The following PDE1A variants were observed in gnomAD, a reference collection of about 807,000 sequenced individuals.
The protein encoded by PDE1A is dual specificity calcium/calmodulin-dependent 3',5'-cyclic nucleotide phosphodiesterase 1A.
PDE1A carries 35 observed loss-of-function variants against 61.7 expected under a neutral mutation model. The ratio of observed to expected loss-of-function variants is 0.57; its 90% CI spans 0.43 to 0.75. PDE1A has a LOEUF of 0.75. Ranked by LOEUF, PDE1A falls within the 30% of genes least tolerant of loss-of-function variation. The pLI, the probability that PDE1A is intolerant of heterozygous loss-of-function variation, is 0.00. For synonymous variants in PDE1A, 232 were observed against 213.2 expected (o/e 1.09, Z -0.77); for missense variants, 597 against 630.6 (o/e 0.95, Z 0.57).
At chr2:182,433,346 C>T (rs762460894) in intron 2 of PDE1A, among the ~76,000 whole-genome samples, 1 of 152,084 alleles carries the variant, frequency 6.6e-6, no homozygotes, top group Non-Finnish European at 1.5e-5. Context: ...AATACTTTGA[C>T]CATTTGCACA....
chr2:182,437,250 G>A (rs919127223), intron 2 of PDE1A, among the ~76,000 whole-genome samples: 1 of 151,974 alleles, frequency 6.6e-6, no homozygotes, highest in Non-Finnish European at 1.5e-5. Context: ...TGCAAATGAA[G>A]TTGTGATATA....
chr2:182,558,605 A>G, the PDE1A span, among the ~76,000 whole-genome samples: 4 of 152,256 alleles, frequency 2.6e-5, no homozygotes, highest in African/African-American at 4.8e-5. Flanking sequence ...TATATAGTCA[A>G]CTGCAATTTT....
chr2:182,664,536 G>A, the PDE1A span, among the ~76,000 whole-genome samples: 1 of 152,134 alleles, frequency 6.6e-6, no homozygotes, highest in African/African-American at 2.4e-5. Context: ...GTTATGGGAT[G>A]AATACAAATG....
chr2:182,400,205 C>T (rs1011027569), intron 1 of PDE1A, among the ~76,000 whole-genome samples: 7 of 151,998 alleles, frequency 4.6e-5, no homozygotes, highest in Non-Finnish European at 1.0e-4. Flanking sequence ...TTTTCCTTTT[C>T]CCATGATAAA....
At chr2:182,572,657 T>G in the PDE1A span, among the ~76,000 whole-genome samples, 5 of 151,768 alleles carry the variant, frequency 3.3e-5, no homozygotes, top group African/African-American at 1.2e-4. Flanking sequence ...GATCACGAGG[T>G]CAGGAGATCG....
the PDE1A span, among the ~76,000 whole-genome samples, chr2:182,534,080 G>A: frequency 6.6e-6 from 1 of 151,944 alleles, no homozygotes. Context: ...TAACCCCTGA[G>A]AGGAAATAAC....
intron 2 of PDE1A, among the ~76,000 whole-genome samples, chr2:182,259,335 A>G (rs1031707507): frequency 1.3e-5 from 2 of 152,182 alleles, no homozygotes; most frequent in Admixed American, 1.3e-4. Flanking sequence ...TCATTTTCTC[A>G]GGATTAAAAA....
intron 1 of PDE1A, among the ~76,000 whole-genome samples, chr2:182,354,611 T>C (rs1481034584): frequency 6.6e-6 from 1 of 152,132 alleles, no homozygotes; most frequent in Non-Finnish European, 1.5e-5. Flanking sequence ...AAAACATCTA[T>C]GGCAACAAGT....
chr2:182,609,416 T>C, the PDE1A span, among the ~76,000 whole-genome samples: 1 of 152,242 alleles, frequency 6.6e-6, no homozygotes, highest in Non-Finnish European at 1.5e-5. Context: ...CTTTGTTCTT[T>C]TGCTCTTTGC....
the PDE1A span, among the ~76,000 whole-genome samples, chr2:182,548,403 G>A: frequency 2.6e-5 from 4 of 152,124 alleles, no homozygotes; most frequent in Non-Finnish European, 5.9e-5. Context: ...AAACGCACAG[G>A]ATACGACCAA....
intron 1 of PDE1A, among the ~76,000 whole-genome samples, chr2:182,272,388 T>G (rs941321624): frequency 6.6e-6 from 1 of 152,168 alleles, no homozygotes; most frequent in African/African-American, 2.4e-5. Flanking sequence ...ATTTTTTCAC[T>G]GGGTCCTGCA....
intron 2 of PDE1A, among the ~76,000 whole-genome samples, chr2:182,444,540 T>C (rs549244148): frequency 6.6e-6 from 1 of 152,228 alleles, no homozygotes; most frequent in South Asian, 2.1e-4. Flanking sequence ...AATAAATGCA[T>C]ATCTATATTG....
the PDE1A span, among the ~76,000 whole-genome samples, chr2:182,542,217 A>G: frequency 1.3e-5 from 2 of 152,310 alleles, no homozygotes; most frequent in South Asian, 4.1e-4. Context: ...ACTTTAAGTT[A>G]AAAATCTAAC....
chr2:182,348,445 T>A (rs577113189), intron 1 of PDE1A, among the ~76,000 whole-genome samples: 13 of 152,212 alleles, frequency 8.5e-5, no homozygotes, highest in Admixed American at 8.5e-4. Flanking sequence ...CTTATAGGAA[T>A]CAGCCCACAT....
At chr2:182,323,747 G>A (rs537024795) in intron 1 of PDE1A, among the ~76,000 whole-genome samples, 6 of 152,286 alleles carry the variant, frequency 3.9e-5, no homozygotes, top group East Asian at 1.9e-4. Context: ...GGATAGTAAC[G>A]CAAGTATTAC....
intron 1 of PDE1A, among the ~76,000 whole-genome samples, chr2:182,368,710 C>T (rs1699971616): frequency 6.6e-6 from 1 of 152,202 alleles, no homozygotes; most frequent in African/African-American, 2.4e-5. Flanking sequence ...GGGATGGGAG[C>T]CCATCCTATT....
intron 1 of PDE1A, among the ~76,000 whole-genome samples, chr2:182,364,088 C>A (rs185638222): frequency 6.6e-6 from 1 of 152,038 alleles, no homozygotes; most frequent in Non-Finnish European, 1.5e-5. Flanking sequence ...AAAGCTACAG[C>A]AATTACCCAG....
At chr2:182,294,038 G>A (rs1001798533) in intron 1 of PDE1A, among the ~76,000 whole-genome samples, 42 of 152,192 alleles carry the variant, frequency 2.8e-4, no homozygotes, top group Non-Finnish European at 1.3e-4. Context: ...GCACAGCTAC[G>A]CTGGACATAG....
At chr2:182,419,848 G>A (rs1477888776) in intron 1 of PDE1A, among the ~76,000 whole-genome samples, 1 of 151,992 alleles carries the variant, frequency 6.6e-6, no homozygotes. Context: ...GGTCCCTGTA[G>A]GTATTTAAGT....
Sources: gnomAD v4.1 joint callset for allele counts (sites outside exome capture counted in the v4.1 genomes callset) on GRCh38, gnomAD v4.1.1 for gene constraint, MANE v1.5 for transcripts, NCBI Gene and HGNC (gene_info 2026-07-23, HGNC 2026-07-21) for gene names.